Variants in FHIT observed in about 807,000 individuals in gnomAD.
FHIT encodes the protein bis(5'-adenosyl)-triphosphatase.
A neutral mutation model predicts 17.9 loss-of-function variants in FHIT; 19 were observed. The ratio of observed to expected loss-of-function variants is 1.06; its 90% confidence interval spans 0.74 to 1.56. The LOEUF is 1.56. Among genes scored for constraint, FHIT ranks in the 40% most tolerant of loss-of-function variants. The probability of loss-of-function intolerance (pLI) is 0.00; values close to 1 mark genes in which losing one functional copy is unlikely to be tolerated. For missense variants in FHIT, 248 were observed against 189.2 expected (o/e 1.31, Z -1.82); for synonymous variants, 81 against 69.7 (o/e 1.16, Z -0.81).
chr3:61,051,365 T>A (rs2034021278), intron 2 of FHIT, among the ~76,000 whole-genome samples: 1 of 152,084 alleles, frequency 6.6e-6, no homozygotes, highest in Non-Finnish European at 1.5e-5. Flanking sequence ...TCCTTCCACC[T>A]CAGCCTCCCA....
chr3:61,138,798 C>T (rs186591390), intron 2 of FHIT, among the ~76,000 whole-genome samples: 1 of 152,302 alleles, frequency 6.6e-6, no homozygotes, highest in Non-Finnish European at 1.5e-5. Context: ...TTCCTCCTCA[C>T]TGCCAGAGTG....
At chr3:61,151,049 T>C (rs1378284698) in intron 2 of FHIT, among the ~76,000 whole-genome samples, 2 of 152,226 alleles carry the variant, frequency 1.3e-5, no homozygotes, top group African/African-American at 4.8e-5. Flanking sequence ...CTGATTAAAA[T>C]TATTTACTTA....
chr3:60,017,417 C>T (rs1228057818), intron 5 of FHIT, among the ~76,000 whole-genome samples: 1 of 152,072 alleles, frequency 6.6e-6, no homozygotes, highest in Non-Finnish European at 1.5e-5. Context: ...GGCATTTTGC[C>T]CCTTCTCATC....
intron 4 of FHIT, among the ~76,000 whole-genome samples, chr3:60,760,073 C>A (rs982681311): frequency 2.6e-5 from 4 of 151,674 alleles, no homozygotes; most frequent in African/African-American, 4.8e-5. Context: ...TTCCATTTCT[C>A]TCTTTCCTTC....
intron 5 of FHIT, among the ~76,000 whole-genome samples, chr3:60,487,986 C>G (rs758780813): frequency 1.1e-4 from 17 of 152,112 alleles, no homozygotes; most frequent in Non-Finnish European, 2.1e-4. Flanking sequence ...GTTCTTTATT[C>G]AGCTATTTAC....
chr3:59,830,193 C>CT (rs1201685541), intron 8 of FHIT, among the ~76,000 whole-genome samples: 3 of 152,202 alleles, frequency 2.0e-5, no homozygotes, highest in Non-Finnish European at 2.9e-5. Context: ...TTTAAATCAA[C>CT]TGCTAAGATA....
chr3:59,874,044 G>C (rs1703041651), intron 8 of FHIT, among the ~76,000 whole-genome samples: 1 of 152,062 alleles, frequency 6.6e-6, no homozygotes, highest in Non-Finnish European at 1.5e-5. Context: ...TGCAGTACTG[G>C]GAAGTAAAAC....
At chr3:60,124,015 G>GAA (rs1705408153) in intron 5 of FHIT, among the ~76,000 whole-genome samples, 1 of 52,938 alleles carries the variant, frequency 1.9e-5, no homozygotes, top group Non-Finnish European at 3.7e-5. Flanking sequence ...TATATAGAGA[G>GAA]AGAGAGAGAG....
chr3:60,795,176 C>G (rs1020522366), intron 4 of FHIT, among the ~76,000 whole-genome samples: 1 of 152,172 alleles, frequency 6.6e-6, no homozygotes, highest in Non-Finnish European at 1.5e-5. Flanking sequence ...CACATCCTAT[C>G]TGATGACTTC....
chr3:60,728,722 CA>C (rs1553710295), intron 4 of FHIT, among the ~76,000 whole-genome samples: 7 of 151,130 alleles, frequency 4.6e-5, no homozygotes, highest in African/African-American at 1.7e-4. Context: ...CACACACACA[CA>C]CACACACAAT....
At chr3:61,141,078 C>T (rs1446719502) in intron 2 of FHIT, among the ~76,000 whole-genome samples, 4 of 152,060 alleles carry the variant, frequency 2.6e-5, no homozygotes, top group East Asian at 3.9e-4. Flanking sequence ...ACACCCAGAA[C>T]ACTTGGCACA....
At chr3:60,206,091 C>T (rs1331946958) in intron 5 of FHIT, among the ~76,000 whole-genome samples, 2 of 148,952 alleles carry the variant, frequency 1.3e-5, no homozygotes, top group African/African-American at 2.5e-5. Flanking sequence ...CGAGATTGAG[C>T]CACTGCACTC....
chr3:59,902,212 C>A lies in FHIT; in HGVS notation c.348+20134G>T, dbSNP rs543216983. On this transcript the variant is annotated intron_variant, in intron 8 of 9. Transcript: ENST00000492590. ...GGTTTATAAAAAATGTGAAATATCA[C>A]TAATCTTCAGGGAAATGGAAATAAA... 6.6e-5 allele frequency among the ~76,000 whole-genome samples: 10 copies of A among 152,232 alleles called. No homozygotes were observed. In the East Asian group the frequency reaches 9.7e-4, roughly 15 times the overall value.
intron 3 of FHIT, among the ~76,000 whole-genome samples, chr3:60,914,014 A>G (rs1312936745): frequency 1.3e-5 from 2 of 152,194 alleles, no homozygotes; most frequent in Non-Finnish European, 2.9e-5. Context: ...TCAAGGGGAG[A>G]AAAAAGACTT....
chr3:60,056,791 G>C (rs566731610), intron 5 of FHIT, among the ~76,000 whole-genome samples: 6 of 152,326 alleles, frequency 3.9e-5, no homozygotes, highest in Admixed American at 6.5e-5. Context: ...GTTTGAAAGA[G>C]GGGCCAATAC....
chr3:60,073,262 C>T (rs895237232), intron 5 of FHIT, among the ~76,000 whole-genome samples: 1 of 152,074 alleles, frequency 6.6e-6, no homozygotes, highest in African/African-American at 2.4e-5. Context: ...TCAAGAGTTT[C>T]CTGACCCCTT....
rs532325926 is a variant in FHIT at position 60,563,074 on chromosome 3, C to T, written c.-17-26095G>A. Among the ~76,000 whole-genome samples, 80 of 152,220 alleles carry T rather than the reference C, an allele frequency of 5.3e-4. 2 individuals carry two copies. The highest frequency in any genetic ancestry group is 8.4e-4 in the Non-Finnish European group (57 of 68,008). The stretch of plus-strand genomic sequence containing the variant: ...GGCAAGGGAGAAGTAATATGTTCTA[C>T]GTGAAACTTTGGAGCAGTGACTCTG... On this transcript the variant is annotated intron_variant, in intron 4 of 9. Coordinates refer to ENST00000492590, the MANE Select transcript of FHIT (RefSeq NM_002012.4).
chr3:61,145,237 T>C (rs772676268), intron 2 of FHIT, among the ~76,000 whole-genome samples: 8 of 152,116 alleles, frequency 5.3e-5, no homozygotes, highest in Non-Finnish European at 8.8e-5. Context: ...CAAGTCCTAA[T>C]TCATTCTTTG....
At chr3:59,757,868 C>T (rs1666065) in intron 8 of FHIT, among the ~76,000 whole-genome samples, 3 of 152,098 alleles carry the variant, frequency 2.0e-5, no homozygotes, top group African/African-American at 7.2e-5. Flanking sequence ...CTGATCCTCT[C>T]TTATTACTTT....
Sources: gnomAD v4.1 joint callset for allele counts (sites outside exome capture counted in the v4.1 genomes callset) on GRCh38, gnomAD v4.1.1 for gene constraint, MANE v1.5 for transcripts, NCBI Gene and HGNC (gene_info 2026-07-23, HGNC 2026-07-21) for gene names.